Variants in RIMS1 observed in about 807,000 individuals in gnomAD.
RIMS1 encodes the protein regulating synaptic membrane exocytosis protein 1.
Under a neutral mutation model 214.1 loss-of-function variants are expected in RIMS1, and 83 were observed. That is an observed-to-expected ratio of 0.39 (90% CI 0.32 to 0.47). The LOEUF (loss-of-function observed/expected upper bound fraction) is 0.47, where lower values mean the gene tolerates loss of function less well. RIMS1 is among the 20% of genes least tolerant of loss of function. RIMS1 has a pLI of 0.99. For missense variants in RIMS1, 2,050 were observed against 2,161.8 expected, an observed-to-expected ratio of 0.95 and a Z score of 1.03; for synonymous variants, 793 against 786.8, an observed-to-expected ratio of 1.01 and a Z score of -0.13.
intron 2 of RIMS1, among the ~76,000 whole-genome samples, chr6:72,088,541 A>G (rs1039556980): frequency 1.6e-4 from 24 of 152,084 alleles, no homozygotes; most frequent in Admixed American, 1.5e-3. Context: ...TGCAGACGTG[A>G]GCCACTGTGC....
At chr6:72,347,887 C>A (rs148416320) in intron 29 of RIMS1, among the ~76,000 whole-genome samples, 68 of 151,986 alleles carry the variant, frequency 4.5e-4, no homozygotes, top group African/African-American at 1.5e-3. Flanking sequence ...CTGTTTACAT[C>A]TGTAGAATTC....
chr6:72,221,274 C>T, intron 6 of RIMS1, among the ~76,000 whole-genome samples: 1 of 149,558 alleles, frequency 6.7e-6, no homozygotes, highest in East Asian at 1.9e-4. Context: ...TTATGGTAGG[C>T]CCAAAGATCT....
At chr6:72,283,112 T>G (rs932672253) in intron 23 of RIMS1, among the ~76,000 whole-genome samples, 3 of 151,980 alleles carry the variant, frequency 2.0e-5, no homozygotes, top group African/African-American at 7.3e-5. Flanking sequence ...TTCTCAACAT[T>G]GTTGGGAGAA....
chr6:72,208,650 A>G (rs752606046), intron 6 of RIMS1, among the ~76,000 whole-genome samples: 1 of 152,322 alleles, frequency 6.6e-6, no homozygotes, highest in East Asian at 1.9e-4. Context: ...GGTCTCCTGT[A>G]GGTAATGTGT....
rs781628214 is a variant in RIMS1 at position 72,214,387 on chromosome 6, G to T, written c.1679-19386G>T. 5.9e-5 allele frequency among the ~76,000 whole-genome samples: 9 copies of T among 151,714 alleles called. No individual in the cohort carries two copies. In the East Asian group the frequency reaches 9.7e-4, roughly 16 times the overall value. ...AGAAAATACTTGATAAACCCTGTTT[G>T]GATTTATTAAGTATTTTCTGTTAGA... On this transcript the variant is annotated intron_variant, in intron 6 of 33. Coordinates refer to ENST00000521978, the MANE Select transcript of RIMS1 (RefSeq NM_014989.7).
At chr6:72,091,726 G>T (rs1365139236) in intron 2 of RIMS1, among the ~76,000 whole-genome samples, 1 of 151,860 alleles carries the variant, frequency 6.6e-6, no homozygotes, top group Admixed American at 6.6e-5. Context: ...CTCATATCCT[G>T]GGAGAAAGTT....
At chr6:72,098,255 A>C (rs2153805958) in intron 3 of RIMS1, among the ~76,000 whole-genome samples, 1 of 151,818 alleles carries the variant, frequency 6.6e-6, no homozygotes, top group South Asian at 2.1e-4. Flanking sequence ...ACTTTATTCC[A>C]GTGGACTTAA....
At chr6:72,123,762 A>G (rs2153834117) in intron 4 of RIMS1, among the ~76,000 whole-genome samples, 1 of 151,862 alleles carries the variant, frequency 6.6e-6, no homozygotes, top group South Asian at 2.1e-4. Context: ...TTGTCAGTTT[A>G]AAGTCTGTTT....
At chr6:72,114,359 C>T (rs1212439645) in intron 4 of RIMS1, among the ~76,000 whole-genome samples, 3 of 151,720 alleles carry the variant, frequency 2.0e-5, no homozygotes, top group East Asian at 3.8e-4. Context: ...AAAAGTGAGG[C>T]CAGAGAAGTT....
chr6:72,274,393 C>T lies in RIMS1; in HGVS notation c.3443C>T (p.Pro1148Leu). 2 of 1,613,040 alleles carry T rather than the reference C, an allele frequency of 1.2e-6. No individual in the cohort carries two copies. Among genetic ancestry groups the T allele is most frequent in the Non-Finnish European group, 1.7e-6 (2 of 1,179,306 alleles). Reference protein sequence around the residue: ...PSLDRRRPPSPRIQIQHASPE... With the variant: ...PSLDRRRPPSLRIQIQHASPE... ...CTAGATAGGAGACGACCTCCTAGTC[C>T]CAGGATTCAAATCCAGCATGCGTCT... is the stretch of plus-strand genomic sequence containing the variant. The change falls in exon 23 of 34, where the codon CCC becomes CTC. Residue 1148 changes from proline (P) to leucine (L), a missense_variant. Pro to Leu is a moderately conservative substitution (Grantham distance 98, BLOSUM62 -3). This residue lies in a region of RIMS1 where 889 missense variants were observed against 885.5 expected (regional missense o/e 1.00). Coordinates refer to ENST00000521978, the MANE Select transcript of RIMS1 (RefSeq NM_014989.7).
chr6:72,060,110 G>GATTATT (rs534525714), intron 2 of RIMS1, among the ~76,000 whole-genome samples: 3 of 150,638 alleles, frequency 2.0e-5, no homozygotes, highest in Middle Eastern at 3.4e-3. Flanking sequence ...AGCTAATTTT[G>GATTATT]ATTATTATTA....
intron 6 of RIMS1, among the ~76,000 whole-genome samples, chr6:72,208,560 A>G (rs1178949334): frequency 1.3e-5 from 2 of 152,194 alleles, no homozygotes; most frequent in Non-Finnish European, 2.9e-5. Flanking sequence ...TGACTAAAAC[A>G]TTTGTGCCAA....
At chr6:72,195,881 G>T (rs539583475) in intron 6 of RIMS1, among the ~76,000 whole-genome samples, 3 of 152,208 alleles carry the variant, frequency 2.0e-5, no homozygotes, top group African/African-American at 7.2e-5. Context: ...AGGGGAAGAG[G>T]CACGTCTTAC....
At chr6:72,217,195 G>C (rs1309814670) in intron 6 of RIMS1, 1 of 1,536,774 alleles carries the variant, frequency 6.5e-7, no homozygotes, top group Non-Finnish European at 8.7e-7. Context: ...TGTTATGTTT[G>C]CTGGGTTTCT....
At position 72,159,340 on chromosome 6, in the gene RIMS1, A is replaced by G. The variant is rs1414231708; in HGVS notation, c.472-20235A>G. 2.1e-5 allele frequency among the ~76,000 whole-genome samples: 3 copies of G among 140,198 alleles called. 1 individual carries two copies. Among genetic ancestry groups the G allele is most frequent in the South Asian group, 4.7e-4 (2 of 4,240 alleles). 92.0% of individuals were successfully genotyped at this position (140,198 alleles called of 152,430 possible). On this transcript the variant is annotated intron_variant, in intron 4 of 33. Transcript: ENST00000521978. The stretch of plus-strand genomic sequence containing the variant: ...TTGCAAAAATTTTCTCCCATTCTGT[A>G]GGTTGCCTGTTCACTCTGACGGTAG...
chr6:72,110,509 T>C (rs1306760129), intron 4 of RIMS1, among the ~76,000 whole-genome samples: 5 of 149,712 alleles, frequency 3.3e-5, no homozygotes, highest in African/African-American at 1.2e-4. Context: ...TGTTTGTCTG[T>C]TATTGGTGTA....
At chr6:71,997,244 TAA>T (rs1016313746) in intron 2 of RIMS1, among the ~76,000 whole-genome samples, 5 of 152,142 alleles carry the variant, frequency 3.3e-5, no homozygotes, top group African/African-American at 9.7e-5. Flanking sequence ...AACCTTGACA[TAA>T]GTTTTCAAAT....
At chr6:72,222,330 C>T (rs2058723388) in intron 6 of RIMS1, among the ~76,000 whole-genome samples, 1 of 151,946 alleles carries the variant, frequency 6.6e-6, no homozygotes, top group African/African-American at 2.4e-5. Context: ...ATTTAAGAAT[C>T]TTTAAAAGAC....
At chr6:72,386,878 C>T (rs180878107) in intron 29 of RIMS1, among the ~76,000 whole-genome samples, 189 of 151,822 alleles carry the variant, frequency 1.2e-3, no homozygotes, top group Non-Finnish European at 1.9e-3. Flanking sequence ...GGACTACAGG[C>T]GCCCGCCACC....
Sources: allele counts gnomAD v4.1 joint callset (sites outside exome capture counted in the v4.1 genomes callset), GRCh38; gene constraint gnomAD v4.1.1; regional missense constraint gnomAD v4.1.1; transcripts MANE v1.5; gene names NCBI Gene and HGNC (gene_info 2026-07-23, HGNC 2026-07-21).